KCTD10: variants seen among roughly 807,000 people sequenced by gnomAD.
KCTD10 encodes potassium channel tetramerization domain containing 10, also known as BTB/POZ domain-containing adapter for CUL3-mediated RhoA degradation protein 3.
In KCTD10, 13 loss-of-function variants were observed where a neutral mutation model predicts 34.6. That is an observed-to-expected ratio of 0.38 (90% CI 0.24 to 0.60). KCTD10 has a LOEUF of 0.60. Among genes scored for constraint, KCTD10 ranks in the 20% least tolerant of loss-of-function variants. The pLI, the probability that KCTD10 is intolerant of heterozygous loss-of-function variation, is 0.66. For synonymous variants in KCTD10, 156 were observed against 168.8 expected (o/e 0.92, Z 0.59); for missense variants, 256 against 420.3 (o/e 0.61, Z 3.42).
intron 2 of KCTD10, among the ~76,000 whole-genome samples, chr12:109,463,921 A>G (rs1227294299): frequency 6.6e-6 from 1 of 152,244 alleles, no homozygotes; most frequent in Admixed American, 6.5e-5. Flanking sequence ...GAAGCAGAGC[A>G]GCAGCGTCCA....
At position 109,456,252 on chromosome 12, in the gene KCTD10, T is replaced by C; in HGVS notation, c.589A>G (p.Asn197Asp). 6.2e-7 allele frequency: 1 copy of C among 1,614,168 alleles called. No individual in the cohort carries two copies. Residue 197 changes from asparagine to aspartate, a missense_variant, in exon 6 of 7, where the codon AAC becomes GAC. Physicochemically the swap from Asn to Asp is conservative, Grantham distance 23. Coordinates refer to ENST00000228495, the MANE Select transcript of KCTD10 (RefSeq NM_031954.5). The stretch of plus-strand genomic sequence containing the variant: ...TCCTTTATGAACAGGACCCTTCCGT[T>C]AAAGCGCAGAGACAGCTTATCAAAC... The part of the protein sequence containing the change: ...ELFDKLSLRF[N>D]GRVLFIKDVI...
intron 1 of KCTD10, among the ~76,000 whole-genome samples, chr12:109,473,217 T>C (rs553671626): frequency 6.6e-6 from 1 of 152,316 alleles, no homozygotes; most frequent in African/African-American, 2.4e-5. Context: ...TTGAGAGCTA[T>C]GATACATAAG....
At chr12:109,475,488 AAAAC>A (rs1874128133) in intron 1 of KCTD10, among the ~76,000 whole-genome samples, 1 of 152,026 alleles carries the variant, frequency 6.6e-6, no homozygotes, top group East Asian at 1.9e-4. Flanking sequence ...CCAAAAAACA[AAAAC>A]AAACTCACAC....
intron 1 of KCTD10, among the ~76,000 whole-genome samples, chr12:109,472,079 C>T (rs1225287644): frequency 1.3e-5 from 2 of 152,102 alleles, no homozygotes; most frequent in Non-Finnish European, 2.9e-5. Context: ...ATCAACACTG[C>T]ACAGGGAGGC....
chr12:109,473,315 G>A (rs1873980653), intron 1 of KCTD10, among the ~76,000 whole-genome samples: 1 of 152,148 alleles, frequency 6.6e-6, no homozygotes, highest in South Asian at 2.1e-4. Flanking sequence ...TAAGGGTTTG[G>A]AGTTAGACCT....
At chr12:109,469,929 G>T in intron 1 of KCTD10, 1 of 1,261,098 alleles carries the variant, frequency 7.9e-7, no homozygotes, top group Non-Finnish European at 1.1e-6. Context: ...GAGGCCAACT[G>T]GGCTAGCAGG....
rs779610402 is a variant in KCTD10 at position 109,469,511 on chromosome 12, T to C, written c.217+4A>G. 1 of 1,613,746 alleles carries C rather than the reference T, an allele frequency of 6.2e-7. No individual in the cohort carries two copies. The highest frequency in any genetic ancestry group is 2.2e-5 in the East Asian group (1 of 44,874). Reference sequence around the variant, plus strand: ...AGAGGCAGGCACATGGTGGGTGAGCTTACCTTCACTGTCGGTGAGCACTTC... The same window carrying C: ...AGAGGCAGGCACATGGTGGGTGAGCCTACCTTCACTGTCGGTGAGCACTTC... On this transcript the variant is annotated splice_donor_region_variant and intron_variant, in intron 2 of 6. Transcript: ENST00000228495.
At chr12:109,474,157 C>T (rs1874033407) in intron 1 of KCTD10, among the ~76,000 whole-genome samples, 2 of 152,142 alleles carry the variant, frequency 1.3e-5, no homozygotes, top group African/African-American at 4.8e-5. Flanking sequence ...TCAAGTGATC[C>T]ATCTGCCTCG....
chr12:109,467,362 G>A (rs1382655601), intron 2 of KCTD10, among the ~76,000 whole-genome samples: 4 of 152,244 alleles, frequency 2.6e-5, no homozygotes, highest in African/African-American at 9.6e-5. Flanking sequence ...GCTCACGCCT[G>A]TAATCCCAGC....
chr12:109,456,180 G>C lies in KCTD10; in HGVS notation c.661C>G (p.Arg221Gly), dbSNP rs749093375. The C allele has an allele frequency of 6.2e-7, 1 of 1,614,074 alleles. No individual in the cohort carries two copies. The highest frequency in any genetic ancestry group is 8.5e-7 in the Non-Finnish European group (1 of 1,180,030). Residue 221 changes from arginine (R) to glycine (G), a missense_variant, in exon 6 of 7, where the codon CGG becomes GGG. Transcript: ENST00000228495. ...GTACAACAGACTTCAGCAATCTTCC[G>C]GCCCTGACCATAAAAGGACCAGCAG... ...ICCWSFYGQG[R>G]KIAEVCCTSI...
At chr12:109,463,707 T>G (rs1161944906) in intron 2 of KCTD10, among the ~76,000 whole-genome samples, 2 of 152,218 alleles carry the variant, frequency 1.3e-5, no homozygotes, top group Non-Finnish European at 2.9e-5. Context: ...GAAACCCAGC[T>G]CTGATACCTT....
intron 3 of KCTD10, chr12:109,458,424 G>A: frequency 1.6e-5 from 3 of 191,588 alleles, no homozygotes; most frequent in South Asian, 1.4e-4. Flanking sequence ...TGACTGCAGA[G>A]GAATTAAAAA....
At position 109,448,907 on chromosome 12, in the gene KCTD10, C is replaced by T. The variant is rs564557015; in HGVS notation, c.*2688G>A. 6.6e-6 allele frequency: 1 copy of T among 152,274 alleles called. No individual in the cohort carries two copies. The highest frequency in any genetic ancestry group is 2.1e-4 in the South Asian group (1 of 4,830). The allele number at this position is 152,274 out of a possible 1,614,324, so 9.4% of individuals were successfully genotyped here. A position where few individuals can be genotyped will look rare whatever the true frequency, so the allele number is the denominator to read the frequency against. ...ACACACTTTAACTGGGGAATGGGGT[C>T]CCCACACAGTGATCGCCCCACGGGA... On this transcript the variant is annotated 3_prime_UTR_variant, in exon 7 of 7. Transcript: ENST00000228495.
At chr12:109,471,174 TG>T (rs1384857593) in intron 1 of KCTD10, 37 of 985,380 alleles carry the variant, frequency 3.8e-5, no homozygotes, top group Non-Finnish European at 4.3e-5. Context: ...CTATAATGAA[TG>T]GGTACTACAA....
chr12:109,460,759 G>A lies in KCTD10; in HGVS notation c.264C>T (p.Leu88=). 1.9e-6 allele frequency: 3 copies of A among 1,614,196 alleles called. No homozygotes were observed. In the South Asian group the frequency reaches 3.3e-5, roughly 18 times the overall value. Residue 88 remains leucine, a synonymous_variant, in exon 3 of 7, where the codon CTC becomes CTT. Transcript: ENST00000228495. This position sits in a 1 kb window ranked among gnomAD's most constrained non-coding sequence, Gnocchi z 4.5. ...DRCGKHFGTI[L]NYLRDGAVPL... ...GCACCGCCCCGTCTCGAAGGTAGTTGAGTATCGTACCAAAGTGCTTCCCAC... is the reference window on the plus strand; with the variant it reads ...GCACCGCCCCGTCTCGAAGGTAGTTAAGTATCGTACCAAAGTGCTTCCCAC...
chr12:109,466,926 G>A (rs1355585302), intron 2 of KCTD10, among the ~76,000 whole-genome samples: 1 of 152,234 alleles, frequency 6.6e-6, no homozygotes, highest in African/African-American at 2.4e-5. Flanking sequence ...TAGACCCAAG[G>A]GTGCATTTGA....
intron 2 of KCTD10, among the ~76,000 whole-genome samples, chr12:109,468,201 G>A (rs115208216): frequency 0.011 from 1,623 of 152,206 alleles, 29 homozygotes; most frequent in African/African-American, 0.037. Flanking sequence ...AACAGAAACC[G>A]GAGTTCACAG....
At chr12:109,471,928 T>G (rs1469721701) in intron 1 of KCTD10, among the ~76,000 whole-genome samples, 1 of 152,134 alleles carries the variant, frequency 6.6e-6, no homozygotes, top group Non-Finnish European at 1.5e-5. Context: ...AAATATGTGA[T>G]ATGAAGGATT....
At chr12:109,471,264 A>G (rs1873872934) in intron 1 of KCTD10, 10 of 985,498 alleles carry the variant, frequency 1.0e-5, no homozygotes, top group Non-Finnish European at 1.2e-5. Flanking sequence ...CAGCAGAAGC[A>G]ACGCGACAGT....
Sources: gnomAD v4.1 joint callset for allele counts (sites outside exome capture counted in the v4.1 genomes callset) on GRCh38, gnomAD v4.1.1 for gene constraint, Gnocchi (gnomAD v3.1) non-coding constraint, MANE v1.5 for transcripts, NCBI Gene and HGNC (gene_info 2026-07-23, HGNC 2026-07-21) for gene names.